NCAM2: variants seen among roughly 807,000 people sequenced by gnomAD.
The protein encoded by NCAM2 is neural cell adhesion molecule 2.
NCAM2 carries 30 observed loss-of-function variants against 98.1 expected under a neutral mutation model. That is an observed-to-expected ratio of 0.31 (90% confidence interval 0.23 to 0.41). The LOEUF is 0.41. Among genes scored for constraint, NCAM2 ranks in the 10% least tolerant of loss-of-function variants. NCAM2 has a pLI of 1.00. For synonymous variants in NCAM2, 368 were observed against 342.4 expected, an observed-to-expected ratio of 1.07 and a Z score of -0.83; for missense variants, 867 against 1,005.8, an observed-to-expected ratio of 0.86 and a Z score of 1.87.
Position 21,466,723 on chromosome 21 carries a change from T to C in NCAM2, c.1772T>C (p.Val591Ala). 1 of 1,598,662 alleles carries C rather than the reference T, an allele frequency of 6.3e-7. No individual in the cohort carries two copies. Among genetic ancestry groups the C allele is most frequent in the Non-Finnish European group, 8.5e-7 (1 of 1,173,466 alleles). Residue 591 changes from valine (V) to alanine (A), a missense_variant and splice_region_variant, in exon 13 of 18, where the codon GTT becomes GCT. Physicochemically the swap from Val to Ala is moderately conservative, Grantham distance 64 (BLOSUM62 0). Transcript: ENST00000400546. The stretch of plus-strand genomic sequence containing the variant: ...ATAGAAATCTTCCAAACATTACCAG[T>C]TCGTAAGTAATCATCTCTATTTTTT... Reference protein sequence around the residue: ...SKIEIFQTLPVREPSPPSIHG... With the variant: ...SKIEIFQTLPAREPSPPSIHG...
intron 1 of NCAM2, among the ~76,000 whole-genome samples, chr21:21,150,181 G>A (rs2067406971): frequency 6.6e-6 from 1 of 152,036 alleles, no homozygotes; most frequent in South Asian, 2.1e-4. Context: ...TTTCTTTGTG[G>A]ATATAGAAAT....
At chr21:21,221,456 A>G (rs1327445742) in intron 1 of NCAM2, among the ~76,000 whole-genome samples, 1 of 70 alleles carries the variant, frequency 0.014, no homozygotes, top group African/African-American at 0.05. Context: ...AATTGAAAGG[A>G]GAGTTTTGGA....
intron 5 of NCAM2, among the ~76,000 whole-genome samples, chr21:21,298,764 T>G (rs2073592712): frequency 1.3e-5 from 2 of 151,724 alleles, no homozygotes; most frequent in African/African-American, 4.8e-5. Context: ...TCAGATTTTC[T>G]AAGTACACTT....
At chr21:21,335,817 G>T in intron 7 of NCAM2, 152 bp downstream of exon 7, 1 of 735,826 alleles carries the variant, frequency 1.4e-6, no homozygotes. Context: ...CTACCAGATA[G>T]AATTTTTTGA....
At chr21:21,330,272 G>A (rs1350083060) in intron 6 of NCAM2, among the ~76,000 whole-genome samples, 8 of 152,016 alleles carry the variant, frequency 5.3e-5, no homozygotes, top group Non-Finnish European at 1.5e-5. Flanking sequence ...TCTAATACAA[G>A]CATCTGTTTT....
chr21:21,139,114 C>T (rs1201922075), intron 1 of NCAM2, among the ~76,000 whole-genome samples: 1 of 152,066 alleles, frequency 6.6e-6, no homozygotes, highest in Non-Finnish European at 1.5e-5. Context: ...TGGGTGGGCT[C>T]TAAATTCAGA....
At chr21:21,143,638 G>A (rs2067213193) in intron 1 of NCAM2, among the ~76,000 whole-genome samples, 1 of 151,920 alleles carries the variant, frequency 6.6e-6, no homozygotes, top group Admixed American at 6.6e-5. Flanking sequence ...TTTTAATATT[G>A]TATCTTTTTA....
intron 1 of NCAM2, among the ~76,000 whole-genome samples, chr21:21,112,556 A>C (rs769712420): frequency 6.6e-6 from 1 of 152,146 alleles, no homozygotes; most frequent in Non-Finnish European, 1.5e-5. Flanking sequence ...GGTCCTTCTC[A>C]TCCGTCAAAG....
At chr21:21,302,130 A>G (rs2073733764) in intron 5 of NCAM2, among the ~76,000 whole-genome samples, 1 of 151,022 alleles carries the variant, frequency 6.6e-6, no homozygotes, top group African/African-American at 2.4e-5. Flanking sequence ...CCAAAGGACT[A>G]TAAATCATGC....
intron 8 of NCAM2, 61 bp from the exon 9 acceptor site, chr21:21,373,802 T>C: frequency 1.5e-6 from 2 of 1,377,330 alleles, no homozygotes; most frequent in Middle Eastern, 1.9e-4. Flanking sequence ...GTTATATGTT[T>C]GGTCACCATT....
intron 11 of NCAM2, among the ~76,000 whole-genome samples, chr21:21,419,481 G>C (rs975914072): frequency 2.7e-5 from 4 of 149,944 alleles, no homozygotes; most frequent in Non-Finnish European, 4.4e-5. Context: ...TTTAGCATTA[G>C]GTATATCTCC....
intron 1 of NCAM2, among the ~76,000 whole-genome samples, chr21:21,065,784 T>A (rs2065423640): frequency 6.6e-6 from 1 of 152,186 alleles, no homozygotes; most frequent in South Asian, 2.1e-4. Context: ...TATTTATCCT[T>A]AGCCATTTAC....
intron 9 of NCAM2, among the ~76,000 whole-genome samples, chr21:21,403,601 G>C (rs1322636827): frequency 6.6e-6 from 1 of 152,038 alleles, no homozygotes. Context: ...CATAAATTTT[G>C]ATATTATTTT....
At chr21:21,438,873 G>A (rs189675474) in intron 12 of NCAM2, among the ~76,000 whole-genome samples, 55 of 152,002 alleles carry the variant, frequency 3.6e-4, no homozygotes, top group African/African-American at 1.1e-3. Context: ...GTTCAAAGCC[G>A]GGAGTTCAGG....
chr21:21,389,873 C>T (rs539058153), intron 9 of NCAM2, among the ~76,000 whole-genome samples: 5 of 152,146 alleles, frequency 3.3e-5, no homozygotes, highest in East Asian at 1.9e-4. Context: ...TATTATGAGG[C>T]GGAGTCTCAC....
intron 1 of NCAM2, among the ~76,000 whole-genome samples, chr21:21,031,598 G>A (rs1331362569): frequency 6.6e-6 from 1 of 152,188 alleles, no homozygotes. Flanking sequence ...TTTTGGAAGA[G>A]GAAATTTACA....
chr21:21,042,587 T>A (rs376942955), intron 1 of NCAM2, among the ~76,000 whole-genome samples: 3 of 152,204 alleles, frequency 2.0e-5, no homozygotes, highest in East Asian at 3.9e-4. Context: ...TTTTCAGATA[T>A]CTTAAATTCT....
intron 1 of NCAM2, among the ~76,000 whole-genome samples, chr21:21,072,336 A>G (rs1301978801): frequency 6.6e-6 from 1 of 152,152 alleles, no homozygotes; most frequent in Non-Finnish European, 1.5e-5. Flanking sequence ...GTGACCATGT[A>G]CATACTGGTT....
intron 9 of NCAM2, among the ~76,000 whole-genome samples, chr21:21,400,162 A>G (rs1479896484): frequency 6.6e-6 from 1 of 152,134 alleles, no homozygotes; most frequent in African/African-American, 2.4e-5. Flanking sequence ...CCTGAATGAA[A>G]CATTGAGGAA....
Sources: allele counts gnomAD v4.1 joint callset (sites outside exome capture counted in the v4.1 genomes callset), GRCh38; gene constraint gnomAD v4.1.1; transcripts MANE v1.5; gene names NCBI Gene and HGNC (gene_info 2026-07-23, HGNC 2026-07-21).